The following ACAD10 variants were observed in gnomAD, a reference collection of about 807,000 sequenced individuals.
ACAD10 encodes the protein ACAD-10.
Under a neutral mutation model 116.8 loss-of-function variants are expected in ACAD10, and 112 were observed. That is an observed-to-expected ratio of 0.96 (90% CI 0.82 to 1.12). The LOEUF (loss-of-function observed/expected upper bound fraction) is 1.12. Among genes scored for constraint, ACAD10 ranks in the 50% most tolerant of loss-of-function variants. The pLI, the probability that ACAD10 is intolerant of heterozygous loss-of-function variation, is 0.00. For missense variants in ACAD10, 1,259 were observed against 1,350.2 expected, an observed-to-expected ratio of 0.93 and a Z score of 1.06; for synonymous variants, 486 against 510.6, an observed-to-expected ratio of 0.95 and a Z score of 0.65.
chr12:111,748,711 G>T (rs777662130), intron 17 of ACAD10: 115 of 599,636 alleles, frequency 1.9e-4, no homozygotes, highest in Non-Finnish European at 3.1e-4. Flanking sequence ...AAGTAATCAG[G>T]AGTCTGTGAC....
At chr12:111,713,766 A>C (rs573026392) in intron 6 of ACAD10, among the ~76,000 whole-genome samples, 1 of 152,122 alleles carries the variant, frequency 6.6e-6, no homozygotes, top group South Asian at 2.1e-4. Context: ...GCAAAACCCC[A>C]TCTCTACTAA....
chr12:111,737,914 G>C (rs560322508), intron 12 of ACAD10, among the ~76,000 whole-genome samples: 10 of 152,024 alleles, frequency 6.6e-5, no homozygotes, highest in African/African-American at 1.7e-4. Context: ...GTGCAGTGGT[G>C]CGATCTTGGT....
intron 18 of ACAD10, among the ~76,000 whole-genome samples, chr12:111,750,590 A>AAAAT (rs900771777): frequency 5.9e-5 from 9 of 152,082 alleles, no homozygotes; most frequent in Non-Finnish European, 1.3e-4. Context: ...TGTCTCTTTA[A>AAAAT]AAATAAATAA....
chr12:111,690,030 T>C (rs1887990586), intron 1 of ACAD10, among the ~76,000 whole-genome samples: 1 of 152,228 alleles, frequency 6.6e-6, no homozygotes, highest in Non-Finnish European at 1.5e-5. Flanking sequence ...TCGAATATTT[T>C]CTATTGTAGT....
intron 2 of ACAD10, among the ~76,000 whole-genome samples, chr12:111,699,860 C>T (rs1358017580): frequency 6.6e-6 from 1 of 152,114 alleles, no homozygotes; most frequent in African/African-American, 2.4e-5. Flanking sequence ...CTTGAGGCTG[C>T]AGTGGGCCAT....
rs1260697932 is a variant in ACAD10 at position 111,715,825 on chromosome 12, A to G, written c.855A>G (p.Pro285=). ...TCTTTGTTTTCAAACTTGCAGGCCC[A>G]TTGGAACTACTTCAGTTTGATCACG... is the stretch of plus-strand genomic sequence containing the variant. The part of the protein sequence containing the change: ...KDLLGIQTTG[P]LELLQFDHGQ... Residue 285 remains proline (P), a synonymous_variant, in exon 7 of 21, where the codon CCA becomes CCG. Coordinates refer to ENST00000313698, the MANE Select transcript of ACAD10 (RefSeq NM_025247.6). 3.1e-6 allele frequency: 5 copies of G among 1,614,088 alleles called. No homozygotes were observed. The African/African-American group carries it at 6.7e-5, about 22-fold the overall frequency.
chr12:111,721,732 G>C lies in ACAD10; in HGVS notation c.1054G>C (p.Asp352His). ...PVPNVLDLCE[D>H]SSVIGTPFYV... The stretch of plus-strand genomic sequence containing the variant: ...CCCTAACGTTCTTGATCTCTGTGAA[G>C]ATTCAAGGTAAAGTTCAGATGTTTT... The change falls in exon 8 of 21, where the codon GAT (aspartate) becomes CAT (histidine). Residue 352 changes from aspartate to histidine, a missense_variant. Physicochemically the swap from Asp to His is moderately conservative, Grantham distance 81 (BLOSUM62 -1). Coordinates refer to ENST00000313698, the MANE Select transcript of ACAD10 (RefSeq NM_025247.6). The C allele has an allele frequency of 6.3e-7, 1 of 1,596,684 alleles. No homozygotes were observed. The highest frequency in any genetic ancestry group is 1.1e-5 in the South Asian group (1 of 89,470).
At position 111,747,444 on chromosome 12, in the gene ACAD10, C is replaced by T. The variant is rs143506869; in HGVS notation, c.2485+59C>T. The T allele has an allele frequency of 3.7e-4, 597 of 1,600,804 alleles. 3 individuals carry two copies. In the African/African-American group the frequency reaches 6.7e-3, roughly 18 times the overall value. ...ATCAGGGAGTCTGTGCTGTTAGGCGCGTCTCTCAATGCCTGGGAGGAGCCT... is the reference window on the plus strand; with the variant it reads ...ATCAGGGAGTCTGTGCTGTTAGGCGTGTCTCTCAATGCCTGGGAGGAGCCT... On this transcript the variant is annotated intron_variant, in intron 16 of 20. Coordinates refer to ENST00000313698, the MANE Select transcript of ACAD10 (RefSeq NM_025247.6).
At chr12:111,718,036 C>CT (rs560344796) in intron 7 of ACAD10, among the ~76,000 whole-genome samples, 1,494 of 63,668 alleles carry the variant, frequency 0.023, 413 homozygotes, top group Non-Finnish European at 0.029. Context: ...TAGTGATATC[C>CT]TTTTTTTTTT....
intron 6 of ACAD10, among the ~76,000 whole-genome samples, chr12:111,713,546 A>G (rs1307750659): frequency 1.3e-5 from 2 of 150,788 alleles, no homozygotes; most frequent in Admixed American, 6.6e-5. Context: ...AATTGCTTGA[A>G]CCTGGGAGGC....
chr12:111,701,782 T>C (rs932476013), intron 2 of ACAD10, among the ~76,000 whole-genome samples: 4 of 152,216 alleles, frequency 2.6e-5, no homozygotes, highest in African/African-American at 4.8e-5. Context: ...GGGCATGTTC[T>C]AGGGGCCACC....
Position 111,722,130 on chromosome 12 carries a change from C to T in ACAD10, c.1061+391C>T, listed in dbSNP as rs188902929. On this transcript the variant is annotated intron_variant, in intron 8 of 20. Transcript: ENST00000313698. ...AGACTGGAGTCCAGTGGCCTAATCT[C>T]GGTTCACTGCAACCTCTGCCTCCTG... is the stretch of plus-strand genomic sequence containing the variant. 58 of 154,556 alleles carry T rather than the reference C, an allele frequency of 3.8e-4. 1 individual carries two copies. Among genetic ancestry groups the T allele is most frequent in the Non-Finnish European group, 6.7e-4 (47 of 69,750 alleles). The allele number at this position is 154,556 out of a possible 1,614,324, so 9.6% of individuals were successfully genotyped here.
chr12:111,701,446 C>T (rs1888346961), intron 2 of ACAD10, among the ~76,000 whole-genome samples: 1 of 152,080 alleles, frequency 6.6e-6, no homozygotes, highest in South Asian at 2.1e-4. Context: ...AGGCAGATCA[C>T]CTGAGGTCAG....
chr12:111,719,780 C>T (rs1419335242), intron 7 of ACAD10, among the ~76,000 whole-genome samples: 8 of 151,620 alleles, frequency 5.3e-5, no homozygotes, highest in South Asian at 2.1e-4. Context: ...CAGGCTGGAG[C>T]GCAGTGGCAC....
intron 7 of ACAD10, among the ~76,000 whole-genome samples, chr12:111,719,053 G>A (rs767725653): frequency 1.1e-4 from 17 of 151,936 alleles, no homozygotes; most frequent in Non-Finnish European, 1.3e-4. Context: ...TGCAGTGAGC[G>A]GAGATTGCAG....
At position 111,753,922 on chromosome 12, in the gene ACAD10, G is replaced by T. The variant is rs545502969; in HGVS notation, c.2961+7G>T. 1 of 1,596,718 alleles carries T rather than the reference G, an allele frequency of 6.3e-7. No homozygotes were observed. Among genetic ancestry groups the T allele is most frequent in the East Asian group, 2.2e-5 (1 of 44,474 alleles). On this transcript the variant is annotated splice_region_variant and intron_variant, in intron 19 of 20. Transcript: ENST00000313698. ...GGACCTGGCAGGAAACAAGGTAGGGGCAGGGGCACGAGGGGGCCTCCCAGA... is the reference window on the plus strand; with the variant it reads ...GGACCTGGCAGGAAACAAGGTAGGGTCAGGGGCACGAGGGGGCCTCCCAGA...
At chr12:111,749,721 A>G (rs1338633195) in intron 18 of ACAD10, 1 of 174,546 alleles carries the variant, frequency 5.7e-6, no homozygotes, top group Non-Finnish European at 1.2e-5. Context: ...GAAGCCAAGC[A>G]TTTGAGACCA....
In ACAD10 at chr12:111,744,886, T is replaced by C; in HGVS notation, c.1958T>C (p.Val653Ala). 2 of 1,614,112 alleles carry C rather than the reference T, an allele frequency of 1.2e-6. No individual in the cohort carries two copies. Among genetic ancestry groups the C allele is most frequent in the South Asian group, 2.2e-5 (2 of 91,074 alleles). The change falls in exon 13 of 21, where the codon GTT (valine) becomes GCT (alanine). Residue 653 changes from valine to alanine, a missense_variant. Transcript: ENST00000313698. ...SPAHTSRGGL[V>A]ISPESLSPPV... ...GCTCATACCTCAAGGGGAGGTCTGGTTATCTCTCCAGAGAGCCTCTCTCCA... is the reference window on the plus strand; with the variant it reads ...GCTCATACCTCAAGGGGAGGTCTGGCTATCTCTCCAGAGAGCCTCTCTCCA...
chr12:111,708,582 G>A (rs1221137518), intron 4 of ACAD10, among the ~76,000 whole-genome samples: 1 of 152,100 alleles, frequency 6.6e-6, no homozygotes, highest in East Asian at 1.9e-4. Context: ...AACCCAGAAT[G>A]CAAGTGTAGG....
Sources: gnomAD v4.1 joint callset for allele counts (sites outside exome capture counted in the v4.1 genomes callset) on GRCh38, gnomAD v4.1.1 for gene constraint, MANE v1.5 for transcripts, NCBI Gene and HGNC (gene_info 2026-07-23, HGNC 2026-07-21) for gene names.